Variants in CPEB3 observed in about 807,000 individuals in gnomAD.
CPEB3 encodes cytoplasmic polyadenylation element-binding protein 3.
CPEB3 carries 20 observed loss-of-function variants against 67.2 expected under a neutral mutation model. The observed-to-expected ratio is 0.30, with a 90% CI of 0.21 to 0.43. CPEB3 has a LOEUF of 0.43. Ranked by LOEUF, CPEB3 falls within the 20% of genes least tolerant of loss-of-function variation. CPEB3 has a pLI of 1.00. For synonymous variants in CPEB3, 376 were observed against 393.1 expected (o/e 0.96, Z 0.51); for missense variants, 746 against 968.6 (o/e 0.77, Z 3.05).
chr10:92,281,476 C>G (rs1436881468), intron 1 of CPEB3, among the ~76,000 whole-genome samples: 3 of 152,110 alleles, frequency 2.0e-5, no homozygotes, highest in Non-Finnish European at 2.9e-5. Context: ...TAAACATTTT[C>G]TCCCTTTCTG....
At chr10:92,147,185 G>GTGGCTCA (rs1433328669) in intron 4 of CPEB3, among the ~76,000 whole-genome samples, 1 of 152,176 alleles carries the variant, frequency 6.6e-6, no homozygotes, top group Non-Finnish European at 1.5e-5. Context: ...GCCAGGCATG[G>GTGGCTCA]TGGCTCATGC....
At chr10:92,139,207 G>A (rs1294866179) in intron 6 of CPEB3, among the ~76,000 whole-genome samples, 1 of 151,672 alleles carries the variant, frequency 6.6e-6, no homozygotes, top group Admixed American at 6.6e-5. Context: ...AATCCCAGAG[G>A]TGGAGGTTGA....
In CPEB3 at chr10:92,192,400, A is replaced by T; in HGVS notation, c.1165+77T>A. The T allele has an allele frequency of 3.6e-6, 5 of 1,392,940 alleles. No individual in the cohort carries two copies. The South Asian group carries it at 6.9e-5, about 19-fold the overall frequency. The allele number at this position is 1,392,940 out of a possible 1,614,324, so 86.3% of individuals were successfully genotyped here. A position where few individuals can be genotyped will look rare whatever the true frequency, so the allele number is the denominator to read the frequency against. On this transcript the variant is annotated intron_variant, in intron 3 of 9. Transcript: ENST00000265997. Reference sequence around the variant, plus strand: ...AAAACAAGCAAACAAAAAACAAACCAGAAAAATCAAAATTATTAAAAAGCT... The same window carrying T: ...AAAACAAGCAAACAAAAAACAAACCTGAAAAATCAAAATTATTAAAAAGCT...
At chr10:92,104,633 C>T (rs141730355) in intron 7 of CPEB3, among the ~76,000 whole-genome samples, 20 of 152,024 alleles carry the variant, frequency 1.3e-4, no homozygotes, top group Admixed American at 7.9e-4. Flanking sequence ...ATAATCCGCC[C>T]GCCTTGGCTC....
chr10:92,223,771 CAG>C (rs1266830696), intron 2 of CPEB3, among the ~76,000 whole-genome samples: 2 of 139,854 alleles, frequency 1.4e-5, no homozygotes, highest in Non-Finnish European at 3.1e-5. Context: ...TTTTTTGAGT[CAG>C]AGTCTCACTC....
chr10:92,246,666 G>A (rs1010582499), intron 1 of CPEB3, among the ~76,000 whole-genome samples: 7 of 151,740 alleles, frequency 4.6e-5, no homozygotes, highest in Non-Finnish European at 1.5e-5. Context: ...CCACCACCAC[G>A]CCCAGCTAAT....
At chr10:92,140,769 C>CA (rs1414663347) in intron 6 of CPEB3, among the ~76,000 whole-genome samples, 1 of 117,382 alleles carries the variant, frequency 8.5e-6, no homozygotes, top group Non-Finnish European at 1.7e-5. Flanking sequence ...ACAATGAACT[C>CA]AAACAAATTT....
chr10:92,134,441 G>T (rs1845991762), intron 6 of CPEB3, among the ~76,000 whole-genome samples: 1 of 151,694 alleles, frequency 6.6e-6, no homozygotes, highest in African/African-American at 2.4e-5. Context: ...AAATACCTAG[G>T]AATCCAACTT....
chr10:92,101,304 G>C (rs545608941), intron 7 of CPEB3, among the ~76,000 whole-genome samples: 33 of 151,976 alleles, frequency 2.2e-4, no homozygotes, highest in African/African-American at 8.0e-4. Context: ...TTTCAGTACC[G>C]TTCAAACTCA....
At chr10:92,211,064 T>C (rs1850058330) in intron 2 of CPEB3, among the ~76,000 whole-genome samples, 1 of 151,960 alleles carries the variant, frequency 6.6e-6, no homozygotes, top group East Asian at 1.9e-4. Flanking sequence ...AATAAATCAA[T>C]AAATAAAAGC....
In CPEB3 at chr10:92,285,561, G is replaced by A. The variant is rs767805616; in HGVS notation, c.-12+5365C>T. 5.3e-5 allele frequency among the ~76,000 whole-genome samples: 8 copies of A among 152,102 alleles called. No homozygotes were observed. The East Asian group carries it at 5.8e-4, about 11-fold the overall frequency. On this transcript the variant is annotated intron_variant, in intron 1 of 9. Transcript: ENST00000265997. ...GCTGGGATTACAGGCATGAGCCACC[G>A]TGCTCAGCCAGAATTTAAGTTTCTA... is the stretch of plus-strand genomic sequence containing the variant.
chr10:92,050,208 A>T lies in CPEB3; in HGVS notation c.*2004T>A, dbSNP rs1158161498. 1.3e-5 allele frequency: 2 copies of T among 152,592 alleles called. No homozygotes were observed. The highest frequency in any genetic ancestry group is 1.3e-4 in the Admixed American group (2 of 15,280). The allele number at this position is 152,592 out of a possible 1,614,324, so 9.5% of individuals were successfully genotyped here. On this transcript the variant is annotated 3_prime_UTR_variant, in exon 10 of 10. Coordinates refer to ENST00000265997, the MANE Select transcript of CPEB3 (RefSeq NM_014912.5). Reference sequence around the variant, plus strand: ...CAAAACCACACCTGGGCTGGAAAAAAGCAATTATTACCAAAAAGCCTCAAA... The same window carrying T: ...CAAAACCACACCTGGGCTGGAAAAATGCAATTATTACCAAAAAGCCTCAAA...
chr10:92,078,045 C>G lies in CPEB3; in HGVS notation c.1869+3275G>C, dbSNP rs573940315. Among the ~76,000 whole-genome samples, 3 of 152,280 alleles carry G rather than the reference C, an allele frequency of 2.0e-5. No individual in the cohort carries two copies. In the South Asian group the frequency reaches 6.2e-4, roughly 32 times the overall value. ...TCTTGTGCCCACTGCAACAGTCCCA[C>G]CATACACATACACAGTGTACATACT... On this transcript the variant is annotated intron_variant, in intron 9 of 9. Transcript: ENST00000265997.
chr10:92,285,053 C>T (rs1842464528), intron 1 of CPEB3, among the ~76,000 whole-genome samples: 1 of 152,174 alleles, frequency 6.6e-6, no homozygotes, highest in African/African-American at 2.4e-5. Context: ...TCCTGCTGCA[C>T]CATAATATGG....
chr10:92,281,056 G>A (rs770809126), intron 1 of CPEB3, among the ~76,000 whole-genome samples: 1 of 151,844 alleles, frequency 6.6e-6, no homozygotes, highest in Non-Finnish European at 1.5e-5. Flanking sequence ...CACCACGCCC[G>A]GCGATGGTGA....
At chr10:92,171,906 G>A (rs1439288603) in intron 4 of CPEB3, among the ~76,000 whole-genome samples, 2 of 152,078 alleles carry the variant, frequency 1.3e-5, no homozygotes, top group Non-Finnish European at 2.9e-5. Context: ...GTGAGCCACC[G>A]CACCCAGCCT....
intron 7 of CPEB3, among the ~76,000 whole-genome samples, chr10:92,095,600 A>ATT (rs11404019): frequency 0.051 from 6,213 of 122,944 alleles, 216 homozygotes; most frequent in Non-Finnish European, 0.056. Flanking sequence ...ATATATATAT[A>ATT]TTTTTTTTTT....
chr10:92,110,758 C>T (rs778316001), intron 7 of CPEB3, among the ~76,000 whole-genome samples: 14 of 152,160 alleles, frequency 9.2e-5, no homozygotes, highest in East Asian at 3.8e-4. Flanking sequence ...GAAATAATGA[C>T]GGAAACCAGC....
intron 1 of CPEB3, among the ~76,000 whole-genome samples, chr10:92,281,049 C>T (rs553346415): frequency 6.6e-6 from 1 of 152,050 alleles, no homozygotes; most frequent in South Asian, 2.1e-4. Flanking sequence ...CATGAACCAC[C>T]ACGCCCGGCG....
Sources: gnomAD v4.1 joint callset for allele counts (sites outside exome capture counted in the v4.1 genomes callset) on GRCh38, gnomAD v4.1.1 for gene constraint, MANE v1.5 for transcripts, NCBI Gene and HGNC (gene_info 2026-07-23, HGNC 2026-07-21) for gene names.